Variants in CSMD1 observed in about 807,000 individuals in gnomAD.
CSMD1 encodes CUB and Sushi multiple domains 1, also known as CUB and sushi domain-containing protein 1.
CSMD1 carries 213 observed loss-of-function variants against 417.5 expected under a neutral mutation model. The ratio of observed to expected loss-of-function variants is 0.51; its 90% CI spans 0.46 to 0.57. The LOEUF (loss-of-function observed/expected upper bound fraction) is 0.57, where lower values mean the gene tolerates loss of function less well. CSMD1 is among the 20% of genes least tolerant of loss of function. The probability of loss-of-function intolerance (pLI) is 0.00; values close to 1 mark genes in which losing one functional copy is unlikely to be tolerated. For synonymous variants in CSMD1, 2,862 were observed against 1,736.8 expected (o/e 1.65, Z -16.11); for missense variants, 6,923 against 4,529.7 (o/e 1.53, Z -15.17).
At chr8:4,458,412 C>A (rs1344843815) in intron 2 of CSMD1, among the ~76,000 whole-genome samples, 1 of 151,974 alleles carries the variant, frequency 6.6e-6, no homozygotes, top group Non-Finnish European at 1.5e-5. Flanking sequence ...GGATTATTGG[C>A]AGTGATTTTT....
rs1009954637 is a variant in CSMD1, at chr8:3,559,500, G to A, written c.1344+15445C>T. Reference sequence around the variant, plus strand: ...TAAAATTTAAAGGCACCGTGAAGAAGAAGAACGAGGAGGAGAAGGAAGAGG... The same window carrying A: ...TAAAATTTAAAGGCACCGTGAAGAAAAAGAACGAGGAGGAGAAGGAAGAGG... On this transcript the variant is annotated intron_variant, in intron 10 of 69. Transcript: ENST00000635120. Among the ~76,000 whole-genome samples, 11 of 152,258 alleles carry A rather than the reference G, an allele frequency of 7.2e-5. No homozygotes were observed. In the East Asian group the frequency reaches 1.7e-3, roughly 24 times the overall value.
chr8:3,492,293 G>A (rs970373153), intron 11 of CSMD1, among the ~76,000 whole-genome samples: 6 of 152,136 alleles, frequency 3.9e-5, no homozygotes, highest in Admixed American at 1.3e-4. Context: ...AAGGAAATAA[G>A]GAGACTTTTC....
chr8:3,761,103 T>C (rs1173073316), intron 5 of CSMD1, among the ~76,000 whole-genome samples: 1 of 152,214 alleles, frequency 6.6e-6, no homozygotes, highest in African/African-American at 2.4e-5. Flanking sequence ...TGGCTGTTAC[T>C]CACATTGTAA....
intron 3 of CSMD1, among the ~76,000 whole-genome samples, chr8:4,051,784 G>A (rs1798436231): frequency 6.6e-6 from 1 of 152,162 alleles, no homozygotes; most frequent in African/African-American, 2.4e-5. Flanking sequence ...AGTGTCCCAG[G>A]TGTGATGGAC....
chr8:3,438,658 T>G (rs1427213012), intron 12 of CSMD1, among the ~76,000 whole-genome samples: 1 of 152,162 alleles, frequency 6.6e-6, no homozygotes, highest in Non-Finnish European at 1.5e-5. Flanking sequence ...TCAATGACAT[T>G]TGGGTGATTT....
At chr8:3,897,979 C>T (rs572585738) in intron 5 of CSMD1, among the ~76,000 whole-genome samples, 2 of 152,266 alleles carry the variant, frequency 1.3e-5, no homozygotes, top group East Asian at 3.9e-4. Context: ...AATCTAGTCA[C>T]GGAGAACTGG....
intron 1 of CSMD1, among the ~76,000 whole-genome samples, chr8:4,907,439 A>G (rs1165182326): frequency 6.6e-6 from 1 of 152,232 alleles, no homozygotes; most frequent in Non-Finnish European, 1.5e-5. Flanking sequence ...ATACATAAAT[A>G]TCCTAAACCT....
Position 3,408,237 on chromosome 8 carries a change from C to G in CSMD1, c.1745-12G>C. ...GAAGAAACATGAAACTGTGAAGATG[C>G]AAATATATTTTCAAACAGTTATGCA... On this transcript the variant is annotated splice_polypyrimidine_tract_variant and intron_variant, in intron 13 of 69. Transcript: ENST00000635120. The G allele has an allele frequency of 1.3e-6, 2 of 1,570,838 alleles. No individual in the cohort carries two copies. Among genetic ancestry groups the G allele is most frequent in the Non-Finnish European group, 1.7e-6 (2 of 1,154,048 alleles).
At chr8:3,819,721 G>C (rs914120862) in intron 5 of CSMD1, among the ~76,000 whole-genome samples, 1 of 151,998 alleles carries the variant, frequency 6.6e-6, no homozygotes, top group African/African-American at 2.4e-5. Context: ...TGGGGAACTG[G>C]GACCACAGGC....
chr8:3,527,706 C>T (rs1262849514), intron 10 of CSMD1, among the ~76,000 whole-genome samples: 3 of 152,068 alleles, frequency 2.0e-5, no homozygotes, highest in African/African-American at 4.8e-5. Flanking sequence ...GCAATGTGAC[C>T]CTTACCACTG....
intron 32 of CSMD1, among the ~76,000 whole-genome samples, chr8:3,200,567 AT>A (rs1030146173): frequency 2.5e-4 from 37 of 150,920 alleles, no homozygotes; most frequent in Admixed American, 2.0e-3. Flanking sequence ...TCAAAAAAAA[AT>A]AATAATAATA....
chr8:4,376,816 T>G (rs577421990), intron 3 of CSMD1, among the ~76,000 whole-genome samples: 2 of 152,380 alleles, frequency 1.3e-5, no homozygotes, highest in South Asian at 2.1e-4. Flanking sequence ...ACTTTCATGT[T>G]CCTCACCCCT....
intron 3 of CSMD1, among the ~76,000 whole-genome samples, chr8:4,224,638 G>C (rs1308801731): frequency 1.3e-5 from 2 of 152,316 alleles, no homozygotes; most frequent in African/African-American, 4.8e-5. Flanking sequence ...TTCATCCATA[G>C]TGAAGAGGGA....
chr8:4,653,112 T>G (rs1183264629), intron 1 of CSMD1, among the ~76,000 whole-genome samples: 2 of 152,098 alleles, frequency 1.3e-5, no homozygotes, highest in Non-Finnish European at 2.9e-5. Context: ...CTTGTCTCTT[T>G]CCCAGCCACA....
At chr8:4,362,798 T>A (rs1455561570) in intron 3 of CSMD1, among the ~76,000 whole-genome samples, 1 of 152,242 alleles carries the variant, frequency 6.6e-6, no homozygotes, top group Non-Finnish European at 1.5e-5. Context: ...TGAAAGGGAA[T>A]TATTATTGTA....
At chr8:3,468,690 G>C (rs772417009) in intron 12 of CSMD1, 22 bp downstream of exon 12, 3 of 1,483,612 alleles carry the variant, frequency 2.0e-6, no homozygotes, top group South Asian at 2.4e-5. Flanking sequence ...TTCCAACCCT[G>C]TGAAGTGTAA....
At chr8:3,084,900 G>C (rs1814411733) in intron 49 of CSMD1, among the ~76,000 whole-genome samples, 1 of 150,160 alleles carries the variant, frequency 6.7e-6, no homozygotes, top group African/African-American at 2.4e-5. Context: ...GCTACATTTT[G>C]TTTTGTTTTA....
At chr8:3,739,115 T>G (rs1285963415) in intron 6 of CSMD1, among the ~76,000 whole-genome samples, 1 of 151,518 alleles carries the variant, frequency 6.6e-6, no homozygotes, top group Non-Finnish European at 1.5e-5. Context: ...TAAGTTTACA[T>G]TTTATTTAGA....
intron 3 of CSMD1, among the ~76,000 whole-genome samples, chr8:4,401,371 C>T (rs1209813918): frequency 6.6e-6 from 1 of 152,132 alleles, no homozygotes; most frequent in Non-Finnish European, 1.5e-5. Flanking sequence ...ATTTTATTCA[C>T]CAAAGAGGTG....
Sources: gnomAD v4.1 joint callset for allele counts (sites outside exome capture counted in the v4.1 genomes callset) on GRCh38, gnomAD v4.1.1 for gene constraint, MANE v1.5 for transcripts, NCBI Gene and HGNC (gene_info 2026-07-23, HGNC 2026-07-21) for gene names.